The following UGT1A3 variants were observed in gnomAD, a reference collection of about 807,000 sequenced individuals.
The protein encoded by UGT1A3 is UDP-glucuronosyltransferase 1A3.
Under a neutral mutation model 41.0 loss-of-function variants are expected in UGT1A3, and 31 were observed. The observed-to-expected ratio is 0.76, with a 90% confidence interval of 0.57 to 1.02. The LOEUF is 1.02. Among genes scored for constraint, UGT1A3 ranks in the 50% least tolerant of loss-of-function variants. The pLI is 0.00. For missense variants in UGT1A3, 737 were observed against 671.0 expected, an observed-to-expected ratio of 1.10 and a Z score of -1.09; for synonymous variants, 262 against 257.6, an observed-to-expected ratio of 1.02 and a Z score of -0.17.
rs1043133002 is a variant in UGT1A3 at position 233,769,410 on chromosome 2, C to A, written c.1307+971C>A. 7.5e-7 allele frequency: 1 copy of A among 1,333,034 alleles called. No homozygotes were observed. The highest frequency in any genetic ancestry group is 1.1e-6 in the Non-Finnish European group (1 of 947,460). The allele number at this position is 1,333,034 out of a possible 1,614,324, so 82.6% of individuals were successfully genotyped here. ...GATACTGTGTGCATATGTGCGTGTG[C>A]GTTTGTGCATGTGGCTGTGCTCATG... On this transcript the variant is annotated intron_variant, in intron 4 of 4. Transcript: ENST00000482026. The surrounding 1 kb of genome is among the most constrained non-coding windows in gnomAD (Gnocchi z 4.4).
rs34150486 is a variant in UGT1A3, at chr2:233,743,623, G to A, written c.867+13630G>A. 20 of 1,367,332 alleles carry A rather than the reference G, an allele frequency of 1.5e-5. No homozygotes were observed. In the South Asian group the frequency reaches 1.8e-4, roughly 12 times the overall value. 84.7% of individuals were successfully genotyped at this position (1,367,332 alleles called of 1,614,324 possible). A position where few individuals can be genotyped will look rare whatever the true frequency, so the allele number is the denominator to read the frequency against. ...GGCCGCCGAAGAACTCCCTGAAGAC[G>A]TCGGCTGGGTCGCGGAAGCTGAAGA... On this transcript the variant is annotated intron_variant, in intron 1 of 4. Transcript: ENST00000482026.
intron 1 of UGT1A3, chr2:233,761,095 C>T (rs765208275): frequency 1.2e-6 from 2 of 1,614,060 alleles, no homozygotes; most frequent in Admixed American, 3.3e-5. Context: ...GCCCATCATG[C>T]CCAATATGGT....
At chr2:233,757,130 G>A (rs368401609) in intron 1 of UGT1A3, among the ~76,000 whole-genome samples, 1 of 151,410 alleles carries the variant, frequency 6.6e-6, no homozygotes, top group African/African-American at 2.4e-5. Context: ...GAGGAGGAAT[G>A]AGCTTGGACA....
At chr2:233,753,258 G>C (rs935441896) in intron 1 of UGT1A3, 1 of 152,170 alleles carries the variant, frequency 6.6e-6, no homozygotes. Context: ...CAACTACCCA[G>C]GCACCTTGGA....
intron 1 of UGT1A3, among the ~76,000 whole-genome samples, chr2:233,745,884 T>C (rs1158721424): frequency 1.3e-5 from 2 of 150,192 alleles, no homozygotes; most frequent in East Asian, 2.0e-4. Flanking sequence ...GAAGTGTTGG[T>C]GGGGTGGCGT....
intron 1 of UGT1A3, chr2:233,743,573 A>C (rs765598613): frequency 7.3e-7 from 1 of 1,367,260 alleles, no homozygotes; most frequent in Non-Finnish European, 9.8e-7. Context: ...CGGGTTTCCC[A>C]AGAGGTCAAA....
chr2:233,755,100 G>A, intron 1 of UGT1A3: 9 of 1,335,078 alleles, frequency 6.7e-6, no homozygotes, highest in South Asian at 1.1e-5. Context: ...CTACGCGTCC[G>A]ACAACACCTC....
intron 1 of UGT1A3, among the ~76,000 whole-genome samples, chr2:233,736,837 T>TC (rs1251253473): frequency 1.3e-5 from 2 of 152,214 alleles, no homozygotes. Flanking sequence ...TGCTTTGGTA[T>TC]CACCAGTGGA....
rs754518469 is a variant in UGT1A3 at position 233,729,155 on chromosome 2, C to G, written c.29C>G (p.Pro10Arg). The G allele has an allele frequency of 1.9e-6, 3 of 1,613,596 alleles. No homozygotes were observed. The highest frequency in any genetic ancestry group is 1.1e-5 in the South Asian group (1 of 91,038). The change falls in exon 1 of 5, where the codon CCG becomes CGG. Residue 10 changes from proline (P) to arginine (R), a missense_variant. Physicochemically the swap from Pro to Arg is moderately radical, Grantham distance 103. Transcript: ENST00000482026. The part of the protein sequence containing the change: MATGLQVPL[P>R]WLATGLLLLL... ...GCCACAGGACTCCAGGTTCCCCTGC[C>G]GTGGCTGGCCACAGGACTGCTGCTT...
Position 233,729,950 on chromosome 2 carries a change from T to C in UGT1A3, c.824T>C (p.Phe275Ser), listed in dbSNP as rs1336852527. ...YPRPIMPNMV[F>S]IGGINCANRK... is the part of the protein sequence containing the mutation. ...AGGCCAATCATGCCCAACATGGTCT[T>C]CATTGGGGGCATCAACTGTGCCAAC... Residue 275 changes from phenylalanine to serine, a missense_variant, in exon 1 of 5, where the codon TTC becomes TCC. By Grantham distance (155) the Phe-to-Ser change is radical. Coordinates refer to ENST00000482026, the MANE Select transcript of UGT1A3 (RefSeq NM_019093.4). The C allele has an allele frequency of 1.2e-6, 2 of 1,613,962 alleles. No individual in the cohort carries two copies. The highest frequency in any genetic ancestry group is 1.7e-6 in the Non-Finnish European group (2 of 1,179,954).
intron 1 of UGT1A3, among the ~76,000 whole-genome samples, chr2:233,757,237 G>A (rs934009312): frequency 2.7e-4 from 40 of 149,716 alleles, no homozygotes; most frequent in African/African-American, 9.6e-4. Flanking sequence ...CAGAAGTGGT[G>A]GTGAGGTGGG....
chr2:233,749,673 G>A (rs1300627499), intron 1 of UGT1A3, among the ~76,000 whole-genome samples: 14 of 151,746 alleles, frequency 9.2e-5, no homozygotes, highest in African/African-American at 1.7e-4. Context: ...TAATCCCCAC[G>A]TGTCAAGGAC....
chr2:233,772,478 T>C lies in UGT1A3; in HGVS notation c.1524T>C (p.Phe508=). ...AVVLTVAFIT[F]KCCAYGYRKC... Reference sequence around the variant, plus strand: ...TGCTGACAGTGGCCTTCATCACCTTTAAATGTTGTGCTTATGGCTACCGGA... The same window carrying C: ...TGCTGACAGTGGCCTTCATCACCTTCAAATGTTGTGCTTATGGCTACCGGA... The change falls in exon 5 of 5, where the codon TTT becomes TTC. Residue 508 remains phenylalanine (F), a synonymous_variant. Transcript: ENST00000482026. 1 of 1,614,184 alleles carries C rather than the reference T, an allele frequency of 6.2e-7. No homozygotes were observed. Among genetic ancestry groups the C allele is most frequent in the South Asian group, 1.1e-5 (1 of 91,086 alleles).
chr2:233,733,931 G>A (rs1209244784), intron 1 of UGT1A3, among the ~76,000 whole-genome samples: 1 of 151,624 alleles, frequency 6.6e-6, no homozygotes, highest in Non-Finnish European at 1.5e-5. Flanking sequence ...TGAGGAAGGG[G>A]AACATCACAT....
At chr2:233,772,217 A>G (rs759524121) in intron 4 of UGT1A3, 45 bp from the exon 5 acceptor site, 1 of 1,612,380 alleles carries the variant, frequency 6.2e-7, no homozygotes, top group South Asian at 1.1e-5. Flanking sequence ...AGGATTGTTC[A>G]TACCACAGGT....
intron 1 of UGT1A3, among the ~76,000 whole-genome samples, chr2:233,737,675 A>G (rs527390262): frequency 2.6e-4 from 40 of 152,110 alleles, no homozygotes; most frequent in Middle Eastern, 6.8e-3. Flanking sequence ...AGCTGTTCCT[A>G]TTTGGCCATT....
chr2:233,737,036 C>T (rs2078836192), intron 1 of UGT1A3, among the ~76,000 whole-genome samples: 1 of 152,178 alleles, frequency 6.6e-6, no homozygotes, highest in Non-Finnish European at 1.5e-5. Flanking sequence ...TCTCAGAGCT[C>T]AAATGCCATA....
chr2:233,729,792 C>T lies in UGT1A3; in HGVS notation c.666C>T (p.Tyr222=), dbSNP rs370250320. 17 of 1,613,864 alleles carry T rather than the reference C, an allele frequency of 1.1e-5. No individual in the cohort carries two copies. Among genetic ancestry groups the T allele is most frequent in the Non-Finnish European group, 1.3e-5 (15 of 1,179,880 alleles). Residue 222 remains tyrosine (Y), a synonymous_variant, in exon 1 of 5, where the codon TAC becomes TAT. Transcript: ENST00000482026. ...KNMLYPLALS[Y]ICHAFSAPYA... ...TGCTCTACCCTCTGGCCCTGTCCTA[C>T]ATTTGCCATGCTTTTTCTGCTCCTT...
Position 233,743,916 on chromosome 2 carries a change from T to C in UGT1A3, c.867+13923T>C, listed in dbSNP as rs774957959. On this transcript the variant is annotated intron_variant, in intron 1 of 4. Transcript: ENST00000482026. Reference sequence around the variant, plus strand: ...TCCAGCACCTCGTAGTAGTCCACCATGCTGGATGGCCAGAACGGCCCACCA... The same window carrying C: ...TCCAGCACCTCGTAGTAGTCCACCACGCTGGATGGCCAGAACGGCCCACCA... 1.8e-5 allele frequency: 25 copies of C among 1,364,598 alleles called. 1 individual carries two copies. Among genetic ancestry groups the C allele is most frequent in the South Asian group, 1.5e-4 (13 of 87,900 alleles). 84.5% of individuals were successfully genotyped at this position (1,364,598 alleles called of 1,614,324 possible). A position where few individuals can be genotyped will look rare whatever the true frequency, so the allele number is the denominator to read the frequency against.
Sources: allele counts gnomAD v4.1 joint callset (sites outside exome capture counted in the v4.1 genomes callset), GRCh38; gene constraint gnomAD v4.1.1; non-coding constraint Gnocchi (gnomAD v3.1); transcripts MANE v1.5; gene names NCBI Gene and HGNC (gene_info 2026-07-23, HGNC 2026-07-21).